ZNF736: variants seen among roughly 807,000 people sequenced by gnomAD.
ZNF736 encodes zinc finger protein 736, also known as KRAB-containing zinc-finger repressor protein.
Under a neutral mutation model 11.7 loss-of-function variants are expected in ZNF736, and 6 were observed. The observed-to-expected ratio is 0.51, with a 90% CI of 0.28 to 1.01. The LOEUF (loss-of-function observed/expected upper bound fraction) is 1.01. Ranked by LOEUF, ZNF736 falls within the 50% of genes least tolerant of loss-of-function variation. The pLI is 0.09. For missense variants in ZNF736, 444 were observed against 496.0 expected (o/e 0.90, Z 1.00); for synonymous variants, 139 against 164.7 (o/e 0.84, Z 1.19).
intron 1 of ZNF736, among the ~76,000 whole-genome samples, chr7:64,331,192 T>G (rs149526307): frequency 1.3e-5 from 2 of 152,302 alleles, no homozygotes; most frequent in Admixed American, 1.3e-4. Context: ...CCAGAGTGCT[T>G]TAGCCTATGG....
chr7:64,316,395 A>G (rs1434347233), intron 1 of ZNF736, among the ~76,000 whole-genome samples: 1 of 152,254 alleles, frequency 6.6e-6, no homozygotes, highest in African/African-American at 2.4e-5. Context: ...GCACAAATGC[A>G]TCTTGCCCTC....
chr7:64,323,610 C>T (rs557014813), intron 1 of ZNF736, among the ~76,000 whole-genome samples: 9 of 152,212 alleles, frequency 5.9e-5, no homozygotes, highest in East Asian at 1.9e-4. Context: ...AGCTGGAAGC[C>T]GCTATTCTCA....
chr7:64,327,325 C>A (rs1287843719), intron 1 of ZNF736, among the ~76,000 whole-genome samples: 1 of 152,104 alleles, frequency 6.6e-6, no homozygotes, highest in Non-Finnish European at 1.5e-5. Flanking sequence ...GTTTTGTTTA[C>A]CGTAGCTATT....
intron 1 of ZNF736, among the ~76,000 whole-genome samples, chr7:64,315,182 C>CT (rs1788894846): frequency 6.6e-6 from 1 of 152,018 alleles, no homozygotes; most frequent in Non-Finnish European, 1.5e-5. Flanking sequence ...GTTATGCTTT[C>CT]TATGCAGCCT....
intron 3 of ZNF736, among the ~76,000 whole-genome samples, chr7:64,346,808 GTTGGTTT>G (rs1789415938): frequency 6.6e-6 from 1 of 150,892 alleles, no homozygotes; most frequent in Non-Finnish European, 1.5e-5. Context: ...TTATCTTTTT[GTTGGTTT>G]CATTTTTGTT....
chr7:64,328,365 C>T (rs745524382), intron 1 of ZNF736, among the ~76,000 whole-genome samples: 5 of 151,964 alleles, frequency 3.3e-5, no homozygotes, highest in Non-Finnish European at 7.4e-5. Context: ...ACTGATGAGT[C>T]CACTGTCAAA....
Position 64,327,844 on chromosome 7 carries a change from G to A in ZNF736, c.4-8415G>A, listed in dbSNP as rs561960567. 2.0e-5 allele frequency among the ~76,000 whole-genome samples: 3 copies of A among 152,242 alleles called. No individual in the cohort carries two copies. In the South Asian group the frequency reaches 6.2e-4, roughly 32 times the overall value. On this transcript the variant is annotated intron_variant, in intron 1 of 3. Transcript: ENST00000423484. Reference sequence around the variant, plus strand: ...AAAGAGAAAACTAATAAAAGCTACAGTTTATCTCCCAACTTTTTAACATTT... The same window carrying A: ...AAAGAGAAAACTAATAAAAGCTACAATTTATCTCCCAACTTTTTAACATTT...
At chr7:64,328,777 G>A (rs889631065) in intron 1 of ZNF736, among the ~76,000 whole-genome samples, 3 of 151,714 alleles carry the variant, frequency 2.0e-5, no homozygotes, top group Non-Finnish European at 4.4e-5. Context: ...AAAACTTCAG[G>A]TAGTCATATT....
At chr7:64,344,060 T>C (rs1188934444) in intron 3 of ZNF736, among the ~76,000 whole-genome samples, 1 of 152,190 alleles carries the variant, frequency 6.6e-6, no homozygotes, top group Non-Finnish European at 1.5e-5. Flanking sequence ...CCCTGCACTT[T>C]GGGAGGCGAA....
At chr7:64,337,898 G>C (rs1183609959) in intron 3 of ZNF736, among the ~76,000 whole-genome samples, 1 of 151,898 alleles carries the variant, frequency 6.6e-6, no homozygotes, top group Middle Eastern at 3.2e-3. Context: ...GGGATTACAG[G>C]CATGTGCCAC....
At chr7:64,340,206 G>C (rs992654391) in intron 3 of ZNF736, among the ~76,000 whole-genome samples, 17 of 152,176 alleles carry the variant, frequency 1.1e-4, no homozygotes, top group African/African-American at 4.1e-4. Flanking sequence ...GAGTACTTAA[G>C]TTGGCAGAAC....
intron 1 of ZNF736, among the ~76,000 whole-genome samples, chr7:64,334,204 C>T (rs1293580105): frequency 2.0e-5 from 3 of 152,136 alleles, no homozygotes; most frequent in South Asian, 2.1e-4. Context: ...TAGAAGAAAA[C>T]CTAGGTAATA....
At chr7:64,341,153 C>T (rs534208965) in intron 3 of ZNF736, among the ~76,000 whole-genome samples, 5 of 152,022 alleles carry the variant, frequency 3.3e-5, no homozygotes, top group African/African-American at 1.2e-4. Flanking sequence ...ATTTTTCTGC[C>T]ACAATTTCTA....
At chr7:64,317,545 A>G (rs751330007) in intron 1 of ZNF736, among the ~76,000 whole-genome samples, 4 of 152,148 alleles carry the variant, frequency 2.6e-5, no homozygotes, top group Admixed American at 6.5e-5. Context: ...AAAAGACATT[A>G]CCCTTCAATT....
intron 1 of ZNF736, among the ~76,000 whole-genome samples, chr7:64,318,958 G>C (rs13247137): frequency 0.24 from 36,557 of 151,996 alleles, 4,679 homozygotes; most frequent in African/African-American, 0.29. Flanking sequence ...CTTTATCTGT[G>C]CTCTTCAAGG....
intron 3 of ZNF736, among the ~76,000 whole-genome samples, chr7:64,347,322 G>T (rs116915349): frequency 6.9e-6 from 1 of 144,718 alleles, no homozygotes; most frequent in African/African-American, 2.6e-5. Flanking sequence ...GAGTTCAAGC[G>T]ATTCTCCTTT....
At chr7:64,347,138 G>A (rs1789421511) in intron 3 of ZNF736, among the ~76,000 whole-genome samples, 5 of 151,246 alleles carry the variant, frequency 3.3e-5, no homozygotes, top group Admixed American at 3.3e-4. Context: ...TTTTAGGCTA[G>A]GGAGTCTTGG....
intron 1 of ZNF736, among the ~76,000 whole-genome samples, chr7:64,331,260 C>T (rs1304017925): frequency 6.6e-6 from 1 of 152,182 alleles, no homozygotes; most frequent in Non-Finnish European, 1.5e-5. Flanking sequence ...TCCTCTCTGA[C>T]TAGGGCTAGT....
intron 3 of ZNF736, 76 bp downstream of exon 3, chr7:64,337,058 T>A: frequency 8.2e-7 from 1 of 1,221,296 alleles, no homozygotes; most frequent in Non-Finnish European, 1.2e-6. Context: ...CCTTTAAACA[T>A]GCTTCCAGAA....
Sources: allele counts gnomAD v4.1 joint callset (sites outside exome capture counted in the v4.1 genomes callset), GRCh38; gene constraint gnomAD v4.1.1; transcripts MANE v1.5; gene names NCBI Gene and HGNC (gene_info 2026-07-23, HGNC 2026-07-21).